DNAJC5: variants seen among roughly 807,000 people sequenced by gnomAD.
DNAJC5 encodes the protein dnaJ homolog subfamily C member 5.
DNAJC5 carries 1 observed loss-of-function variant against 23.2 expected under a neutral mutation model. That is an observed-to-expected ratio of 0.04 (90% confidence interval 0.02 to 0.20). The LOEUF is 0.20. DNAJC5 is among the 10% of genes least tolerant of loss of function. The pLI, the probability that DNAJC5 is intolerant of heterozygous loss-of-function variation, is 1.00. For missense variants in DNAJC5, 180 were observed against 267.0 expected, an observed-to-expected ratio of 0.67 and a Z score of 2.27; for synonymous variants, 136 against 120.0, an observed-to-expected ratio of 1.13 and a Z score of -0.87.
At position 63,929,933 on chromosome 20, in the gene DNAJC5, A is replaced by G. The variant is rs191817769; in HGVS notation, c.321+408A>G. Among the ~76,000 whole-genome samples the G allele has an allele frequency of 3.2e-4, 49 of 152,252 alleles. No individual in the cohort carries two copies. The highest frequency in any genetic ancestry group is 5.4e-4 in the Non-Finnish European group (37 of 68,004). On this transcript the variant is annotated intron_variant, in intron 3 of 4. Coordinates refer to ENST00000360864, the MANE Select transcript of DNAJC5 (RefSeq NM_025219.3). This position sits in a 1 kb window ranked among gnomAD's most constrained non-coding sequence, Gnocchi z 8.6. ...TGGTGTCCTGCCTGGAACAAGCCAT[A>G]GCGTACAGATTGTCCCAGGGAAGAG...
rs748228389 is a variant in DNAJC5 at position 63,929,567 on chromosome 20, C to T, written c.321+42C>T. 9 of 1,605,460 alleles carry T rather than the reference C, an allele frequency of 5.6e-6. No individual in the cohort carries two copies. Among genetic ancestry groups the T allele is most frequent in the Admixed American group, 3.3e-5 (2 of 59,854 alleles). ...TGCCGTGCGGGCACCCGAGTCACTCCTGCCGTGCGGGCACCCGAGTCTCTC... is the reference window on the plus strand; with the variant it reads ...TGCCGTGCGGGCACCCGAGTCACTCTTGCCGTGCGGGCACCCGAGTCTCTC... On this transcript the variant is annotated intron_variant, in intron 3 of 4. Transcript: ENST00000360864. This position sits in a 1 kb window ranked among gnomAD's most constrained non-coding sequence, Gnocchi z 8.6.
chr20:63,898,862 T>G (rs138039559), intron 1 of DNAJC5, among the ~76,000 whole-genome samples: 178 of 152,094 alleles, frequency 1.2e-3, no homozygotes, highest in South Asian at 5.4e-3. Flanking sequence ...ACAAACAAAC[T>G]GCAGTGCTTC....
chr20:63,918,143 T>C (rs1459556281), intron 1 of DNAJC5, among the ~76,000 whole-genome samples: 2 of 152,222 alleles, frequency 1.3e-5, no homozygotes, highest in Admixed American at 6.5e-5. Flanking sequence ...ATTCACAGAA[T>C]AGAATGTGAC....
At chr20:63,916,619 A>G (rs2053517082) in intron 1 of DNAJC5, among the ~76,000 whole-genome samples, 1 of 152,252 alleles carries the variant, frequency 6.6e-6, no homozygotes, top group Non-Finnish European at 1.5e-5. Context: ...ACAGGGTTCC[A>G]GAGCAGAGAA....
rs187575411 is a variant in DNAJC5, at chr20:63,898,566, G to A, written c.-12+3243G>A. Among the ~76,000 whole-genome samples, 7 of 152,168 alleles carry A rather than the reference G, an allele frequency of 4.6e-5. No homozygotes were observed. In the East Asian group the frequency reaches 9.6e-4, roughly 21 times the overall value. On this transcript the variant is annotated intron_variant, in intron 1 of 4. Transcript: ENST00000360864. ...CAGTTAGAATGAGTGCTTCTAGGCC[G>A]GGCACGGTGGCTCACACCAGTAATC...
chr20:63,932,435 G>A lies in DNAJC5; in HGVS notation c.*867G>A, dbSNP rs142246799. 2.1e-4 allele frequency: 32 copies of A among 152,916 alleles called. No individual in the cohort carries two copies. The highest frequency in any genetic ancestry group is 7.7e-4 in the African/African-American group (32 of 41,536). The allele number at this position is 152,916 out of a possible 1,614,324, so 9.5% of individuals were successfully genotyped here. On this transcript the variant is annotated 3_prime_UTR_variant, in exon 5 of 5. Transcript: ENST00000360864. This position sits in a 1 kb window ranked among gnomAD's most constrained non-coding sequence, Gnocchi z 4.4. The stretch of plus-strand genomic sequence containing the variant: ...CCAGTCTCCCCCCTCCCATCTTGAG[G>A]TCGTTCTCCACATTCCTTCCAGCAC...
intron 1 of DNAJC5, among the ~76,000 whole-genome samples, chr20:63,914,548 A>T (rs2053503657): frequency 6.7e-6 from 1 of 150,358 alleles, no homozygotes; most frequent in Non-Finnish European, 1.5e-5. Context: ...CGATCTCCTG[A>T]CCTCGTGATC....
chr20:63,925,949 T>G (rs372165574), intron 1 of DNAJC5, among the ~76,000 whole-genome samples: 35 of 149,836 alleles, frequency 2.3e-4, no homozygotes, highest in African/African-American at 7.8e-4. Flanking sequence ...TGCCTCAGCC[T>G]CCCGAGTAGC....
chr20:63,922,782 A>C (rs1429956501), intron 1 of DNAJC5, among the ~76,000 whole-genome samples: 2 of 151,894 alleles, frequency 1.3e-5, no homozygotes, highest in African/African-American at 2.4e-5. Flanking sequence ...AACAAACAAA[A>C]AAGCAAAAAA....
At chr20:63,909,836 C>T (rs543669251) in intron 1 of DNAJC5, among the ~76,000 whole-genome samples, 9 of 152,330 alleles carry the variant, frequency 5.9e-5, no homozygotes, top group Non-Finnish European at 8.8e-5. Flanking sequence ...AGCAGAGGCC[C>T]GCCTGGGCCA....
rs539125829 is a variant in DNAJC5, at chr20:63,935,959, G to A, written c.*4391G>A. 11 of 152,252 alleles carry A rather than the reference G, an allele frequency of 7.2e-5. No homozygotes were observed. The South Asian group carries it at 1.7e-3, about 23-fold the overall frequency. The allele number at this position is 152,252 out of a possible 1,614,324, so 9.4% of individuals were successfully genotyped here. A position where few individuals can be genotyped will look rare whatever the true frequency, so the allele number is the denominator to read the frequency against. ...AGGCTGGTTCCGCATGGTGATCTCC[G>A]TCTTGTATGTCTGAATGTTGGCCTA... On this transcript the variant is annotated 3_prime_UTR_variant, in exon 5 of 5. Coordinates refer to ENST00000360864, the MANE Select transcript of DNAJC5 (RefSeq NM_025219.3).
intron 1 of DNAJC5, among the ~76,000 whole-genome samples, chr20:63,922,967 C>T (rs1228708457): frequency 1.3e-4 from 20 of 151,208 alleles, no homozygotes; most frequent in Admixed American, 1.3e-3. Context: ...ATGGCAAAAC[C>T]CAATCTCTAC....
intron 1 of DNAJC5, among the ~76,000 whole-genome samples, chr20:63,921,059 A>G (rs1359765052): frequency 6.6e-6 from 1 of 152,036 alleles, no homozygotes; most frequent in Non-Finnish European, 1.5e-5. Context: ...TCCCGGGTTC[A>G]AGTGATTCTT....
chr20:63,932,064 T>G lies in DNAJC5; in HGVS notation c.*496T>G, dbSNP rs546156109. 1 of 248,046 alleles carries G rather than the reference T, an allele frequency of 4.0e-6. No homozygotes were observed. Among genetic ancestry groups the G allele is most frequent in the East Asian group, 1.0e-4 (1 of 9,710 alleles). The allele number at this position is 248,046 out of a possible 1,614,324, so 15.4% of individuals were successfully genotyped here. On this transcript the variant is annotated 3_prime_UTR_variant, in exon 5 of 5. Transcript: ENST00000360864. The surrounding 1 kb of genome is among the most constrained non-coding windows in gnomAD (Gnocchi z 4.4). ...CACTCTGTGCTCCCAGCCTTGAGGCTGCAGTAGGACTCTGATCTCACCTGC... is the reference window on the plus strand; with the variant it reads ...CACTCTGTGCTCCCAGCCTTGAGGCGGCAGTAGGACTCTGATCTCACCTGC...
intron 1 of DNAJC5, among the ~76,000 whole-genome samples, chr20:63,912,511 T>C (rs2053488766): frequency 6.6e-6 from 1 of 152,196 alleles, no homozygotes; most frequent in African/African-American, 2.4e-5. Context: ...CCCTTTTAAC[T>C]GTGTTCCAAG....
Position 63,930,847 on chromosome 20 carries a change from C to G in DNAJC5, c.322-4C>G, listed in dbSNP as rs376221120. 3.7e-6 allele frequency: 6 copies of G among 1,612,448 alleles called. No individual in the cohort carries two copies. Among genetic ancestry groups the G allele is most frequent in the Admixed American group, 1.7e-5 (1 of 60,016 alleles). ...CATGCAACACCACCTTCTTCTCCCCCCAGGCCCTGTTTGTCTTCTGCGGCC... is the reference window on the plus strand; with the variant it reads ...CATGCAACACCACCTTCTTCTCCCCGCAGGCCCTGTTTGTCTTCTGCGGCC... On this transcript the variant is annotated splice_region_variant and splice_polypyrimidine_tract_variant and intron_variant, in intron 3 of 4. Transcript: ENST00000360864.
intron 3 of DNAJC5, 118 bp from the exon 4 acceptor site, chr20:63,930,733 A>G: frequency 6.7e-7 from 1 of 1,496,012 alleles, no homozygotes; most frequent in East Asian, 2.3e-5. Context: ...CCTGTCTGGA[A>G]GGCAGTATCC....
intron 1 of DNAJC5, among the ~76,000 whole-genome samples, chr20:63,917,379 C>G (rs372207507): frequency 6.6e-6 from 1 of 151,422 alleles, no homozygotes; most frequent in Non-Finnish European, 1.5e-5. Context: ...CTCAGCCTCT[C>G]GAGTAACTGG....
intron 1 of DNAJC5, among the ~76,000 whole-genome samples, chr20:63,914,075 C>T (rs988028031): frequency 3.9e-5 from 6 of 152,092 alleles, no homozygotes; most frequent in African/African-American, 7.2e-5. Flanking sequence ...AGTGAGAAGC[C>T]GGGACGCTCA....
Sources: allele counts gnomAD v4.1 joint callset (sites outside exome capture counted in the v4.1 genomes callset), GRCh38; gene constraint gnomAD v4.1.1; non-coding constraint Gnocchi (gnomAD v3.1); transcripts MANE v1.5; gene names NCBI Gene and HGNC (gene_info 2026-07-23, HGNC 2026-07-21).